Variants in EPHA3 observed in about 807,000 individuals in gnomAD.
EPHA3 encodes EPH receptor A3.
Under a neutral mutation model 107.1 loss-of-function variants are expected in EPHA3, and 42 were observed. That is an observed-to-expected ratio of 0.39 (90% CI 0.31 to 0.51). The LOEUF (loss-of-function observed/expected upper bound fraction) is 0.51. Among genes scored for constraint, EPHA3 ranks in the 20% least tolerant of loss-of-function variants. The pLI, the probability that EPHA3 is intolerant of heterozygous loss-of-function variation, is 0.78. For missense variants in EPHA3, 1,183 were observed against 1,211.2 expected (o/e 0.98, Z 0.35); for synonymous variants, 461 against 424.8 (o/e 1.09, Z -1.05).
At chr3:89,330,765 T>C (rs1304995778) in intron 3 of EPHA3, among the ~76,000 whole-genome samples, 1 of 152,142 alleles carries the variant, frequency 6.6e-6, no homozygotes, top group Non-Finnish European at 1.5e-5. Flanking sequence ...TTGTCGTTTA[T>C]CCCTCTAAAT....
At chr3:89,467,234 C>T (rs1035072130) in intron 15 of EPHA3, among the ~76,000 whole-genome samples, 26 of 152,052 alleles carry the variant, frequency 1.7e-4, no homozygotes, top group African/African-American at 4.3e-4. Context: ...ATAAAATGTA[C>T]GGAAAAAATA....
At chr3:89,453,700 T>C (rs1005058489) in intron 15 of EPHA3, among the ~76,000 whole-genome samples, 4 of 152,224 alleles carry the variant, frequency 2.6e-5, no homozygotes, top group Admixed American at 1.3e-4. Flanking sequence ...AAATTTGCTT[T>C]CCTACTTTTG....
In EPHA3 at chr3:89,107,653, G is replaced by A; in HGVS notation, c.-96G>A. The A allele has an allele frequency of 8.8e-7, 1 of 1,141,214 alleles. No homozygotes were observed. The highest frequency in any genetic ancestry group is 1.3e-6 in the Non-Finnish European group (1 of 766,554). 70.7% of individuals were successfully genotyped at this position (1,141,214 alleles called of 1,614,324 possible). On this transcript the variant is annotated 5_prime_UTR_variant, in exon 1 of 17. Coordinates refer to ENST00000336596, the MANE Select transcript of EPHA3 (RefSeq NM_005233.6). Reference sequence around the variant, plus strand: ...AACTTGACATCAGCCTGCGAGCGGAGCATGGTAACTTCTCCAGCAATCAGA... The same window carrying A: ...AACTTGACATCAGCCTGCGAGCGGAACATGGTAACTTCTCCAGCAATCAGA...
intron 2 of EPHA3, among the ~76,000 whole-genome samples, chr3:89,194,373 G>A (rs183403856): frequency 7.2e-5 from 11 of 152,068 alleles, no homozygotes; most frequent in Admixed American, 3.9e-4. Flanking sequence ...TTTACAATTA[G>A]TCCCTTCTGC....
chr3:89,171,378 A>G (rs1705205482), intron 2 of EPHA3, among the ~76,000 whole-genome samples: 1 of 152,182 alleles, frequency 6.6e-6, no homozygotes, highest in Admixed American at 6.5e-5. Flanking sequence ...GGTTCTAAAG[A>G]AGGTGATACT....
intron 5 of EPHA3, among the ~76,000 whole-genome samples, chr3:89,358,796 A>G (rs1264955229): frequency 2.0e-5 from 3 of 151,304 alleles, no homozygotes; most frequent in African/African-American, 4.8e-5. Context: ...TGCTGTCCCA[A>G]AGTTTTTCAC....
At chr3:89,422,537 G>A (rs146400494) in intron 11 of EPHA3, among the ~76,000 whole-genome samples, 15 of 151,138 alleles carry the variant, frequency 9.9e-5, no homozygotes, top group African/African-American at 2.4e-4. Flanking sequence ...TCATTTCTTC[G>A]CTTGTAACAA....
chr3:89,283,150 A>T (rs1435385402), intron 3 of EPHA3, among the ~76,000 whole-genome samples: 1 of 152,138 alleles, frequency 6.6e-6, no homozygotes, highest in Non-Finnish European at 1.5e-5. Context: ...TTTAACTATC[A>T]TTATGGGTAA....
chr3:89,477,925 A>T (rs965497897), intron 16 of EPHA3, among the ~76,000 whole-genome samples: 1 of 152,156 alleles, frequency 6.6e-6, no homozygotes, highest in African/African-American at 2.4e-5. Flanking sequence ...TCAATATGTC[A>T]GATGGTAATA....
chr3:89,469,412 A>G (rs1282902241), intron 15 of EPHA3, among the ~76,000 whole-genome samples: 2 of 152,206 alleles, frequency 1.3e-5, no homozygotes, highest in Admixed American at 6.5e-5. Flanking sequence ...CGTTTCATGC[A>G]TCGCTGTAAA....
At chr3:89,417,944 C>T in intron 10 of EPHA3, among the ~76,000 whole-genome samples, 1 of 151,316 alleles carries the variant, frequency 6.6e-6, no homozygotes, top group East Asian at 1.9e-4. Flanking sequence ...TGAGTCAAGC[C>T]TGGGGAAGGT....
chr3:89,337,876 A>G (rs1285633961), intron 3 of EPHA3, among the ~76,000 whole-genome samples: 1 of 152,224 alleles, frequency 6.6e-6, no homozygotes, highest in African/African-American at 2.4e-5. Context: ...TTCTGACATT[A>G]TAAGAAATCT....
At chr3:89,107,876 G>T (rs764139909) in intron 1 of EPHA3, 40 bp downstream of exon 1, 1 of 1,590,068 alleles carries the variant, frequency 6.3e-7, no homozygotes, top group Admixed American at 1.7e-5. Context: ...CTGCCCCGCG[G>T]GGCTCACGCT....
chr3:89,173,624 G>T (rs986730503), intron 2 of EPHA3, among the ~76,000 whole-genome samples: 7 of 152,084 alleles, frequency 4.6e-5, no homozygotes, highest in African/African-American at 1.7e-4. Flanking sequence ...GCTTTAAACT[G>T]TATTACCAGA....
intron 3 of EPHA3, among the ~76,000 whole-genome samples, chr3:89,332,684 T>A (rs1707314160): frequency 6.6e-6 from 1 of 152,144 alleles, no homozygotes; most frequent in African/African-American, 2.4e-5. Flanking sequence ...TACAGGCAAA[T>A]AGACCCTGTC....
intron 2 of EPHA3, among the ~76,000 whole-genome samples, chr3:89,128,974 C>T (rs1239751295): frequency 6.6e-6 from 1 of 152,040 alleles, no homozygotes; most frequent in Admixed American, 6.6e-5. Context: ...TTCTTAGCAC[C>T]TTGCTGGGTA....
intron 5 of EPHA3, among the ~76,000 whole-genome samples, chr3:89,372,754 T>C (rs560743963): frequency 7.1e-4 from 108 of 151,950 alleles, no homozygotes; most frequent in Non-Finnish European, 1.1e-3. Context: ...AACATTATTC[T>C]TGATGAATGA....
chr3:89,340,843 T>C, intron 3 of EPHA3, 73 bp from the exon 4 acceptor site: 1 of 1,367,330 alleles, frequency 7.3e-7, no homozygotes, highest in Non-Finnish European at 9.6e-7. Flanking sequence ...ATATTCGAAC[T>C]TACTTAAATC....
intron 1 of EPHA3, 23 bp from the exon 2 acceptor site, chr3:89,127,182 GTGTT>G (rs1559742985): frequency 6.4e-7 from 1 of 1,561,410 alleles, no homozygotes; most frequent in Admixed American, 1.7e-5. Context: ...GTTATTAACT[GTGTT>G]TGTGTATTAT....
Sources: allele counts gnomAD v4.1 joint callset (sites outside exome capture counted in the v4.1 genomes callset), GRCh38; gene constraint gnomAD v4.1.1; transcripts MANE v1.5; gene names NCBI Gene and HGNC (gene_info 2026-07-23, HGNC 2026-07-21).